RFX4: variants seen among roughly 807,000 people sequenced by gnomAD.
RFX4 encodes the protein transcription factor RFX4.
In RFX4, 10 loss-of-function variants were observed where a neutral mutation model predicts 95.0. The ratio of observed to expected loss-of-function variants is 0.11; its 90% CI spans 0.06 to 0.18. RFX4 has a LOEUF of 0.18. RFX4 is among the 10% of genes least tolerant of loss of function. The pLI, the probability that RFX4 is intolerant of heterozygous loss-of-function variation, is 1.00. For synonymous variants in RFX4, 321 were observed against 340.7 expected, an observed-to-expected ratio of 0.94 and a Z score of 0.64; for missense variants, 640 against 922.0, an observed-to-expected ratio of 0.69 and a Z score of 3.96.
intron 2 of RFX4, among the ~76,000 whole-genome samples, chr12:106,636,506 T>C (rs147304897): frequency 2.9e-3 from 437 of 152,246 alleles, no homozygotes; most frequent in Non-Finnish European, 4.5e-3. Context: ...CAATGATTGA[T>C]TCCTGACTAA....
chr12:106,636,390 C>CAAA (rs34305367), intron 2 of RFX4, among the ~76,000 whole-genome samples: 32 of 76,868 alleles, frequency 4.2e-4, no homozygotes, highest in South Asian at 1.2e-3. Flanking sequence ...AACTCTGTCT[C>CAAA]AAAAAAAAAA....
chr12:106,682,723 GT>G (rs2041542799), intron 5 of RFX4: 1 of 152,376 alleles, frequency 6.6e-6, no homozygotes, highest in African/African-American at 2.4e-5. Context: ...GCCAGGGAAG[GT>G]CTTTCAGAGG....
At chr12:106,599,157 C>T (rs2039662144) in intron 1 of RFX4, among the ~76,000 whole-genome samples, 1 of 150,836 alleles carries the variant, frequency 6.6e-6, no homozygotes, top group Middle Eastern at 3.4e-3. Context: ...TGGGAGTTTC[C>T]TCGTTCTTTT....
chr12:106,624,318 A>T (rs12304017), intron 2 of RFX4, among the ~76,000 whole-genome samples: 1 of 151,822 alleles, frequency 6.6e-6, no homozygotes, highest in Non-Finnish European at 1.5e-5. Context: ...TTTCATTTTT[A>T]TTTTATTTTA....
Position 106,761,720 on chromosome 12 carries a change from A to T in RFX4, c.*251A>T, listed in dbSNP as rs2136110678. On this transcript the variant is annotated 3_prime_UTR_variant, in exon 18 of 18. Coordinates refer to ENST00000392842, the MANE Select transcript of RFX4 (RefSeq NM_213594.3). ...CCAAGCCAGACTTGACTGTTTCTGT[A>T]GAGCACTATCTCGGGCAGGCCATTC... 5.4e-6 allele frequency: 1 copy of T among 184,006 alleles called. No individual in the cohort carries two copies. Among genetic ancestry groups the T allele is most frequent in the East Asian group, 1.3e-4 (1 of 7,460 alleles). 11.4% of individuals were successfully genotyped at this position (184,006 alleles called of 1,614,324 possible). A position where few individuals can be genotyped will look rare whatever the true frequency, so the allele number is the denominator to read the frequency against.
chr12:106,651,010 C>T (rs2040847603), intron 3 of RFX4, among the ~76,000 whole-genome samples: 1 of 152,152 alleles, frequency 6.6e-6, no homozygotes, highest in African/African-American at 2.4e-5. Flanking sequence ...CTGAAAATAA[C>T]ATTTTTATAG....
intron 2 of RFX4, among the ~76,000 whole-genome samples, chr12:106,610,998 T>A (rs2039950653): frequency 6.6e-6 from 1 of 152,122 alleles, no homozygotes. Context: ...GTTTTTTTTT[T>A]AATAATAGCC....
At chr12:106,703,425 G>A (rs1379195094) in intron 8 of RFX4, among the ~76,000 whole-genome samples, 3 of 152,104 alleles carry the variant, frequency 2.0e-5, no homozygotes, top group Admixed American at 1.3e-4. Context: ...CATTAAGACC[G>A]AATTTCAATT....
At chr12:106,658,995 G>A (rs1009739617) in intron 4 of RFX4, among the ~76,000 whole-genome samples, 2 of 152,130 alleles carry the variant, frequency 1.3e-5, no homozygotes, top group Admixed American at 6.5e-5. Flanking sequence ...ACTCAATGAA[G>A]CATAAACAAA....
rs528404087 is a variant in RFX4, at chr12:106,714,001, C to T, written c.994-1399C>T. 1.2e-4 allele frequency among the ~76,000 whole-genome samples: 16 copies of T among 135,590 alleles called. No homozygotes were observed. The South Asian group carries it at 3.5e-3, about 29-fold the overall frequency. The allele number at this position is 135,590 out of a possible 152,430, so 89.0% of individuals were successfully genotyped here. A position where few individuals can be genotyped will look rare whatever the true frequency, so the allele number is the denominator to read the frequency against. On this transcript the variant is annotated intron_variant, in intron 10 of 17. Coordinates refer to ENST00000392842, the MANE Select transcript of RFX4 (RefSeq NM_213594.3). ...AGGAGAATCACTTGAACCCGGGAGG[C>T]AGAGGTTACAGTGAGCCAAGATCGC...
intron 15 of RFX4, among the ~76,000 whole-genome samples, chr12:106,744,412 T>C (rs540088205): frequency 6.6e-6 from 1 of 152,330 alleles, no homozygotes; most frequent in South Asian, 2.1e-4. Context: ...TCCCTGGTAA[T>C]AGAATCTCAC....
At chr12:106,731,636 T>G (rs1167767877) in intron 13 of RFX4, among the ~76,000 whole-genome samples, 1 of 152,250 alleles carries the variant, frequency 6.6e-6, no homozygotes, top group Non-Finnish European at 1.5e-5. Context: ...AATTTTCAAA[T>G]TGGCTCCTAG....
At chr12:106,589,105 C>T (rs909642301) in intron 1 of RFX4, among the ~76,000 whole-genome samples, 1 of 152,046 alleles carries the variant, frequency 6.6e-6, no homozygotes, top group Admixed American at 6.6e-5. Flanking sequence ...GGAGAAACCC[C>T]CAATGTTGTT....
intron 2 of RFX4, among the ~76,000 whole-genome samples, chr12:106,634,742 C>T (rs556546472): frequency 5.9e-5 from 9 of 152,304 alleles, no homozygotes; most frequent in Non-Finnish European, 8.8e-5. Flanking sequence ...ACCTTCCCCC[C>T]ATCTGGTGCC....
At chr12:106,604,164 A>C (rs113610207) in intron 1 of RFX4, among the ~76,000 whole-genome samples, 15,497 of 133,342 alleles carry the variant, frequency 0.12, 959 homozygotes, top group Middle Eastern at 0.18. Context: ...TCTGTCACCC[A>C]GGCTGGAGTG....
chr12:106,629,278 G>A (rs1279991907), intron 2 of RFX4, among the ~76,000 whole-genome samples: 1 of 152,158 alleles, frequency 6.6e-6, no homozygotes, highest in East Asian at 1.9e-4. Context: ...CACCTGGGCT[G>A]TTTCCAAACT....
chr12:106,601,125 A>G (rs2039696601), intron 1 of RFX4: 3 of 1,428,434 alleles, frequency 2.1e-6, no homozygotes, highest in Admixed American at 5.7e-5. Flanking sequence ...CCCCTGGGGC[A>G]GGACCTGTGG....
At chr12:106,665,563 G>A (rs1048863511) in intron 4 of RFX4, among the ~76,000 whole-genome samples, 3 of 151,644 alleles carry the variant, frequency 2.0e-5, no homozygotes, top group Non-Finnish European at 3.0e-5. Context: ...TATTTGTTAC[G>A]ATTTTTGTCT....
intron 9 of RFX4, among the ~76,000 whole-genome samples, chr12:106,710,817 TG>T (rs2042178843): frequency 6.6e-6 from 1 of 152,216 alleles, no homozygotes; most frequent in African/African-American, 2.4e-5. Context: ...ATGTCTTGTC[TG>T]CGTTGAAATC....
Sources: allele counts gnomAD v4.1 joint callset (sites outside exome capture counted in the v4.1 genomes callset), GRCh38; gene constraint gnomAD v4.1.1; transcripts MANE v1.5; gene names NCBI Gene and HGNC (gene_info 2026-07-23, HGNC 2026-07-21).